SEMA3E: variants seen among roughly 807,000 people sequenced by gnomAD.
The protein encoded by SEMA3E is semaphorin 3E.
Under a neutral mutation model 93.6 loss-of-function variants are expected in SEMA3E, and 49 were observed. That is an observed-to-expected ratio of 0.52 (90% CI 0.42 to 0.66). SEMA3E has a LOEUF of 0.66. SEMA3E is among the 30% of genes least tolerant of loss of function. SEMA3E has a pLI of 0.00. For missense variants in SEMA3E, 906 were observed against 964.8 expected, an observed-to-expected ratio of 0.94 and a Z score of 0.81; for synonymous variants, 363 against 330.7, an observed-to-expected ratio of 1.10 and a Z score of -1.06.
At chr7:83,643,144 T>C (rs1794036092) in intron 1 of SEMA3E, among the ~76,000 whole-genome samples, 1 of 152,020 alleles carries the variant, frequency 6.6e-6, no homozygotes, top group Non-Finnish European at 1.5e-5. Flanking sequence ...TATGTGGTCA[T>C]AGAACTGAGG....
chr7:83,425,301 G>A (rs1788747638), intron 4 of SEMA3E, among the ~76,000 whole-genome samples: 1 of 151,932 alleles, frequency 6.6e-6, no homozygotes, highest in South Asian at 2.1e-4. Context: ...CCAAACTATT[G>A]TTCTATTTTC....
intron 1 of SEMA3E, among the ~76,000 whole-genome samples, chr7:83,490,749 C>T (rs909523356): frequency 3.3e-5 from 5 of 151,962 alleles, no homozygotes; most frequent in Non-Finnish European, 7.4e-5. Flanking sequence ...TACAATGAGG[C>T]ATTAATGTGG....
intron 1 of SEMA3E, among the ~76,000 whole-genome samples, chr7:83,508,731 A>T (rs916362494): frequency 2.6e-5 from 4 of 152,202 alleles, no homozygotes; most frequent in Non-Finnish European, 5.9e-5. Context: ...TGGGGAATTT[A>T]GGTTGTAGGA....
intron 1 of SEMA3E, among the ~76,000 whole-genome samples, chr7:83,607,456 T>A (rs1244198289): frequency 4.6e-5 from 7 of 152,198 alleles, no homozygotes; most frequent in Non-Finnish European, 1.0e-4. Context: ...CTGCCAATAT[T>A]GATTAAGTTA....
At chr7:83,536,483 T>G (rs1329405221) in intron 1 of SEMA3E, among the ~76,000 whole-genome samples, 1 of 152,104 alleles carries the variant, frequency 6.6e-6, no homozygotes, top group Non-Finnish European at 1.5e-5. Flanking sequence ...TTTCTCATCA[T>G]TCTCTTGAAA....
chr7:83,372,646 T>A (rs556196822), intron 16 of SEMA3E: 4 of 169,996 alleles, frequency 2.4e-5, no homozygotes, highest in South Asian at 2.0e-4. Flanking sequence ...ATCATGACAA[T>A]TACCATAGAA....
intron 1 of SEMA3E, among the ~76,000 whole-genome samples, chr7:83,617,860 G>C (rs1464588278): frequency 6.6e-6 from 1 of 151,880 alleles, no homozygotes; most frequent in African/African-American, 2.4e-5. Context: ...GGAGTCGAAT[G>C]ACTATGTCAC....
chr7:83,402,702 G>A lies in SEMA3E; in HGVS notation c.1073C>T (p.Ala358Val), dbSNP rs1418495535. The A allele has an allele frequency of 1.2e-6, 2 of 1,612,920 alleles. No individual in the cohort carries two copies. Among genetic ancestry groups the A allele is most frequent in the East Asian group, 4.5e-5 (2 of 44,808 alleles). ...SIRAAFNGPYAHKEGPEYHWS... is the reference protein window; with the variant it reads ...SIRAAFNGPYVHKEGPEYHWS... ...GTGGTATTCAGGTCCTTCCTTATGT[G>A]CATATGGTCCGTTGAAGGCTGCCCG... Residue 358 changes from alanine (A) to valine (V), a missense_variant, in exon 10 of 17, where the codon GCA becomes GTA. Coordinates refer to ENST00000643230, the MANE Select transcript of SEMA3E (RefSeq NM_012431.3).
intron 1 of SEMA3E, among the ~76,000 whole-genome samples, chr7:83,579,054 A>T (rs189718323): frequency 2.8e-4 from 43 of 152,266 alleles, no homozygotes; most frequent in Admixed American, 4.6e-4. Context: ...CTTTATTAAG[A>T]TGTATAGATT....
chr7:83,589,654 T>C (rs1792712901), intron 1 of SEMA3E, among the ~76,000 whole-genome samples: 1 of 152,156 alleles, frequency 6.6e-6, no homozygotes, highest in Admixed American at 6.5e-5. Context: ...TAACCCAATA[T>C]ATCCAAAATA....
At chr7:83,568,608 A>C (rs911835397) in intron 1 of SEMA3E, among the ~76,000 whole-genome samples, 20 of 152,314 alleles carry the variant, frequency 1.3e-4, no homozygotes, top group Non-Finnish European at 2.8e-4. Context: ...ACATCGGTAG[A>C]ATGAAGCACA....
chr7:83,396,858 C>T, intron 11 of SEMA3E, 129 bp from the exon 12 acceptor site: 1 of 644,058 alleles, frequency 1.6e-6, no homozygotes. Flanking sequence ...ATGGGTGTAT[C>T]TCTTGAGGTC....
intron 16 of SEMA3E, among the ~76,000 whole-genome samples, chr7:83,368,615 G>A (rs750394311): frequency 3.3e-5 from 5 of 152,088 alleles, no homozygotes; most frequent in Non-Finnish European, 5.9e-5. Flanking sequence ...TTCATAGGCT[G>A]TCCTTTACAA....
chr7:83,631,603 A>C (rs1793786867), intron 1 of SEMA3E, among the ~76,000 whole-genome samples: 1 of 152,238 alleles, frequency 6.6e-6, no homozygotes, highest in African/African-American at 2.4e-5. Context: ...ATAGTCTTTG[A>C]ATATAGGAAT....
intron 9 of SEMA3E, 22 bp downstream of exon 9, chr7:83,405,428 A>T (rs778508860): frequency 2.8e-5 from 44 of 1,553,132 alleles, no homozygotes; most frequent in Non-Finnish European, 3.6e-6. Flanking sequence ...TATTGTTTTT[A>T]TTGACTGTAT....
chr7:83,611,436 T>C (rs1793260585), intron 1 of SEMA3E, among the ~76,000 whole-genome samples: 2 of 147,556 alleles, frequency 1.4e-5, no homozygotes, highest in Non-Finnish European at 3.0e-5. Context: ...ATATATATTA[T>C]GCTATAGGTC....
chr7:83,375,446 G>A (rs1794807096), intron 16 of SEMA3E, among the ~76,000 whole-genome samples: 1 of 151,966 alleles, frequency 6.6e-6, no homozygotes, highest in African/African-American at 2.4e-5. Flanking sequence ...GATAATGCCT[G>A]ATAATAGTTC....
chr7:83,388,771 T>C (rs956861301), intron 14 of SEMA3E, among the ~76,000 whole-genome samples: 10 of 150,966 alleles, frequency 6.6e-5, no homozygotes, highest in African/African-American at 1.7e-4. Context: ...CCTTGTAAAA[T>C]AGAGGTGGCA....
At chr7:83,374,713 T>G (rs577433436) in intron 16 of SEMA3E, among the ~76,000 whole-genome samples, 1 of 152,258 alleles carries the variant, frequency 6.6e-6, no homozygotes, top group Admixed American at 6.5e-5. Context: ...CTTTTACAGT[T>G]CATGCATACT....
Sources: allele counts gnomAD v4.1 joint callset (sites outside exome capture counted in the v4.1 genomes callset), GRCh38; gene constraint gnomAD v4.1.1; transcripts MANE v1.5; gene names NCBI Gene and HGNC (gene_info 2026-07-23, HGNC 2026-07-21).